The following PTPRG variants were observed in gnomAD, a reference collection of about 807,000 sequenced individuals.
The protein encoded by PTPRG is protein tyrosine phosphatase receptor type G, also known as receptor-type tyrosine-protein phosphatase gamma.
A neutral mutation model predicts 165.3 loss-of-function variants in PTPRG; 102 were observed. The ratio of observed to expected loss-of-function variants is 0.62; its 90% confidence interval spans 0.53 to 0.73. PTPRG has a LOEUF of 0.73. Among genes scored for constraint, PTPRG ranks in the 30% least tolerant of loss-of-function variants. The pLI is 0.00. For synonymous variants in PTPRG, 675 were observed against 669.5 expected (o/e 1.01, Z -0.13); for missense variants, 1,866 against 1,861.4 (o/e 1.00, Z -0.05).
chr3:61,624,884 A>G (rs1342214272), intron 1 of PTPRG, among the ~76,000 whole-genome samples: 1 of 152,160 alleles, frequency 6.6e-6, no homozygotes, highest in African/African-American at 2.4e-5. Context: ...GGAGGCTCAG[A>G]TAACGGACAT....
chr3:61,989,857 T>G (rs2040843365), intron 3 of PTPRG, 53 bp downstream of exon 3: 1 of 1,584,136 alleles, frequency 6.3e-7, no homozygotes. Context: ...TATTTTTGGA[T>G]GTCTCTGGTG....
At chr3:61,908,013 C>T (rs75366590) in intron 2 of PTPRG, among the ~76,000 whole-genome samples, 1 of 149,070 alleles carries the variant, frequency 6.7e-6, no homozygotes, top group Non-Finnish European at 1.5e-5. Flanking sequence ...CTCAGCTATT[C>T]TGGAGGCTGA....
At chr3:61,667,154 A>C (rs1702832203) in intron 1 of PTPRG, among the ~76,000 whole-genome samples, 1 of 152,190 alleles carries the variant, frequency 6.6e-6, no homozygotes, top group Non-Finnish European at 1.5e-5. Flanking sequence ...CCAAATCATA[A>C]CAGAACTCGA....
intron 13 of PTPRG, among the ~76,000 whole-genome samples, chr3:62,225,313 G>A (rs1700737165): frequency 1.3e-5 from 2 of 152,196 alleles, no homozygotes; most frequent in Non-Finnish European, 2.9e-5. Context: ...AGAGAGAAGA[G>A]GAAAATTTTG....
intron 12 of PTPRG, among the ~76,000 whole-genome samples, chr3:62,209,032 G>A (rs2106856917): frequency 6.6e-6 from 1 of 152,358 alleles, no homozygotes; most frequent in Non-Finnish European, 1.5e-5. Flanking sequence ...TGTGATGCTG[G>A]CTTTGGCGCC....
At chr3:62,197,342 C>T (rs558402832) in intron 10 of PTPRG, among the ~76,000 whole-genome samples, 1 of 152,166 alleles carries the variant, frequency 6.6e-6, no homozygotes, top group Non-Finnish European at 1.5e-5. Context: ...TAGAAGCTCT[C>T]CAGCCTAGAT....
At chr3:62,276,899 A>G in intron 24 of PTPRG, 73 bp from the exon 25 acceptor site, 1 of 1,157,258 alleles carries the variant, frequency 8.6e-7, no homozygotes, top group Non-Finnish European at 1.3e-6. Context: ...CATCAAGCAA[A>G]TCTCAGAAAG....
intron 1 of PTPRG, among the ~76,000 whole-genome samples, chr3:61,661,940 C>T (rs1487448387): frequency 2.0e-5 from 3 of 152,204 alleles, no homozygotes. Flanking sequence ...CTTAATGCCT[C>T]ATCAAGTATT....
chr3:61,680,367 G>A (rs1271303788), intron 1 of PTPRG, among the ~76,000 whole-genome samples: 1 of 152,036 alleles, frequency 6.6e-6, no homozygotes, highest in African/African-American at 2.4e-5. Context: ...ACCTGCACCA[G>A]CATCGGCCTG....
At chr3:62,221,789 C>A (rs921676980) in intron 13 of PTPRG, among the ~76,000 whole-genome samples, 1 of 152,180 alleles carries the variant, frequency 6.6e-6, no homozygotes, top group African/African-American at 2.4e-5. Flanking sequence ...TGCAGTTATT[C>A]TGATTTTTGA....
chr3:62,006,420 C>T (rs575296606), intron 4 of PTPRG, among the ~76,000 whole-genome samples: 8 of 152,150 alleles, frequency 5.3e-5, no homozygotes, highest in African/African-American at 7.2e-5. Context: ...TCTCTCCCTA[C>T]GATTTTTATA....
chr3:61,964,372 C>T (rs1275502917), intron 2 of PTPRG, among the ~76,000 whole-genome samples: 1 of 152,156 alleles, frequency 6.6e-6, no homozygotes, highest in Non-Finnish European at 1.5e-5. Flanking sequence ...GAGATCTTTT[C>T]TTATGGACTG....
chr3:61,603,503 C>T (rs1317450914), intron 1 of PTPRG, among the ~76,000 whole-genome samples: 1 of 152,186 alleles, frequency 6.6e-6, no homozygotes, highest in Non-Finnish European at 1.5e-5. Flanking sequence ...AAACTGTGAG[C>T]TCTTTTCTTT....
intron 1 of PTPRG, among the ~76,000 whole-genome samples, chr3:61,646,417 A>G (rs980518730): frequency 3.9e-5 from 6 of 152,196 alleles, no homozygotes; most frequent in East Asian, 1.9e-4. Context: ...TGGCCAGATC[A>G]TCTAATTCTT....
At chr3:61,650,868 GTTTAC>G (rs1019449010) in intron 1 of PTPRG, among the ~76,000 whole-genome samples, 3 of 152,006 alleles carry the variant, frequency 2.0e-5, no homozygotes, top group African/African-American at 4.8e-5. Flanking sequence ...TGCTTTTCTT[GTTTAC>G]TTTATGATGT....
At chr3:61,701,829 G>T (rs1406156498) in intron 1 of PTPRG, among the ~76,000 whole-genome samples, 2 of 152,082 alleles carry the variant, frequency 1.3e-5, no homozygotes, top group Non-Finnish European at 2.9e-5. Context: ...CCCCCAGGAG[G>T]TCGAGACTGA....
At chr3:61,915,361 T>C (rs1172634660) in intron 2 of PTPRG, among the ~76,000 whole-genome samples, 2 of 152,230 alleles carry the variant, frequency 1.3e-5, no homozygotes, top group Non-Finnish European at 2.9e-5. Context: ...TCTCCCCCTA[T>C]TTTCCTGTTC....
intron 2 of PTPRG, among the ~76,000 whole-genome samples, chr3:61,962,930 C>T (rs1028799037): frequency 2.0e-5 from 3 of 152,086 alleles, no homozygotes; most frequent in African/African-American, 7.2e-5. Flanking sequence ...ATAGATAATA[C>T]ATGTACAGCA....
chr3:62,103,086 A>G (rs904282914), intron 5 of PTPRG, among the ~76,000 whole-genome samples: 2 of 152,128 alleles, frequency 1.3e-5, no homozygotes, highest in South Asian at 2.1e-4. Flanking sequence ...TTTTGAACCT[A>G]TAAAATCACT....
Sources: gnomAD v4.1 joint callset for allele counts (sites outside exome capture counted in the v4.1 genomes callset) on GRCh38, gnomAD v4.1.1 for gene constraint, MANE v1.5 for transcripts, NCBI Gene and HGNC (gene_info 2026-07-23, HGNC 2026-07-21) for gene names.